Variants in KNL1 observed in about 807,000 individuals in gnomAD.
KNL1 encodes the protein outer kinetochore KNL1 complex subunit KNL1.
KNL1 carries 66 observed loss-of-function variants against 201.3 expected under a neutral mutation model. The ratio of observed to expected loss-of-function variants is 0.33; its 90% confidence interval spans 0.27 to 0.40. The LOEUF is 0.40. Ranked by LOEUF, KNL1 falls within the 10% of genes least tolerant of loss-of-function variation. KNL1 has a pLI of 1.00. For missense variants in KNL1, 2,815 were observed against 2,690.5 expected (o/e 1.05, Z -1.02); for synonymous variants, 895 against 899.2 (o/e 1.00, Z 0.08).
intron 1 of KNL1, among the ~76,000 whole-genome samples, chr15:40,594,642 A>G (rs1394413784): frequency 6.6e-6 from 1 of 152,022 alleles, no homozygotes; most frequent in Non-Finnish European, 1.5e-5. Context: ...CCCTCCGGCC[A>G]CCCGGCTCGG....
intron 7 of KNL1, among the ~76,000 whole-genome samples, chr15:40,613,523 C>T (rs1011022724): frequency 1.4e-4 from 22 of 152,228 alleles, no homozygotes; most frequent in African/African-American, 5.1e-4. Context: ...TCAACTCCAA[C>T]AGAACTTAAA....
intron 9 of KNL1, among the ~76,000 whole-genome samples, chr15:40,620,255 C>A (rs1447746846): frequency 6.6e-6 from 1 of 151,676 alleles, no homozygotes; most frequent in Non-Finnish European, 1.5e-5. Flanking sequence ...GCTCTGTTGC[C>A]CAGGCAGTGG....
intron 13 of KNL1, among the ~76,000 whole-genome samples, chr15:40,639,459 C>T (rs930570711): frequency 2.0e-5 from 3 of 151,176 alleles, no homozygotes; most frequent in African/African-American, 7.3e-5. Flanking sequence ...GTGGCACACA[C>T]CTGTAATCCC....
rs763371820 is a variant in KNL1, at chr15:40,651,544, A to G, written c.6286A>G (p.Arg2096Gly). 1 of 1,610,266 alleles carries G rather than the reference A, an allele frequency of 6.2e-7. No homozygotes were observed. Among genetic ancestry groups the G allele is most frequent in the South Asian group, 1.1e-5 (1 of 90,336 alleles). Residue 2096 changes from arginine (R) to glycine (G), a missense_variant, in exon 20 of 26, where the codon AGA (arginine) becomes GGA (glycine). Around this residue, in one of 3 missense-constraint regions of KNL1, gnomAD observed 334 missense variants for 362.6 expected, o/e 0.92. Coordinates refer to ENST00000399668, the MANE Select transcript of KNL1 (RefSeq NM_144508.5). Reference sequence around the variant, plus strand: ...AGACTTTATGCAAAAACAAAGAAATAGAACTGAAGAGCTACTGGATCAGTT... The same window carrying G: ...AGACTTTATGCAAAAACAAAGAAATGGAACTGAAGAGCTACTGGATCAGTT... The part of the protein sequence containing the change: ...QIDFMQKQRN[R>G]TEELLDQLSL...
rs1893577369 is a variant in KNL1 at position 40,651,943 on chromosome 15, G to C, written c.6315-62G>C. On this transcript the variant is annotated intron_variant, in intron 20 of 25. Transcript: ENST00000399668. Reference sequence around the variant, plus strand: ...TGTTGGTACTGTTTGGGTGGTATCAGAAGTTCTCTTTTATGTTAATTTTAA... The same window carrying C: ...TGTTGGTACTGTTTGGGTGGTATCACAAGTTCTCTTTTATGTTAATTTTAA... 7 of 1,131,990 alleles carry C rather than the reference G, an allele frequency of 6.2e-6. No individual in the cohort carries two copies. The Admixed American group carries it at 1.1e-4, about 18-fold the overall frequency. 70.1% of individuals were successfully genotyped at this position (1,131,990 alleles called of 1,614,324 possible). A position where few individuals can be genotyped will look rare whatever the true frequency, so the allele number is the denominator to read the frequency against.
At chr15:40,650,831 G>C (rs1420130781) in intron 19 of KNL1, among the ~76,000 whole-genome samples, 6 of 151,840 alleles carry the variant, frequency 4.0e-5, no homozygotes, top group Non-Finnish European at 7.4e-5. Context: ...TATCCTTTTT[G>C]TTTAATAAAT....
chr15:40,605,290 C>T (rs1249785298), intron 3 of KNL1, 141 bp downstream of exon 3: 22 of 560,572 alleles, frequency 3.9e-5, no homozygotes, highest in Non-Finnish European at 3.6e-5. Context: ...AAATATTTAA[C>T]GTGGTTATAC....
intron 24 of KNL1, among the ~76,000 whole-genome samples, chr15:40,658,458 G>A (rs1374899407): frequency 5.4e-5 from 8 of 147,440 alleles, no homozygotes; most frequent in Non-Finnish European, 1.2e-4. Context: ...GAACTTGGAG[G>A]ATGGAGGTTG....
rs770021245 is a variant in KNL1 at position 40,621,454 on chromosome 15, T to C, written c.1190T>C (p.Ile397Thr). ...CATATTATGGGGGCAGAAACTCACA[T>C]AGTCTCACAGACTTGTAATCAGGAT... ...RSHIMGAETH[I>T]VSQTCNQDAR... Residue 397 changes from isoleucine to threonine, a missense_variant, in exon 10 of 26, where the codon ATA becomes ACA. By Grantham distance (89) the Ile-to-Thr change is moderately conservative. Transcript: ENST00000399668. 6.8e-6 allele frequency: 11 copies of C among 1,613,846 alleles called. No individual in the cohort carries two copies. Among genetic ancestry groups the C allele is most frequent in the South Asian group, 1.1e-5 (1 of 91,076 alleles).
chr15:40,655,046 C>G, intron 22 of KNL1, 69 bp downstream of exon 22: 3 of 1,252,032 alleles, frequency 2.4e-6, no homozygotes, highest in East Asian at 2.4e-5. Context: ...GCCTTTAATC[C>G]CAGCACTTTG....
intron 10 of KNL1, chr15:40,626,106 A>T (rs1892744811): frequency 6.6e-6 from 1 of 152,324 alleles, no homozygotes; most frequent in Non-Finnish European, 1.5e-5. Flanking sequence ...GCTGACAAGG[A>T]TATGTAGAAG....
At chr15:40,642,080 A>C (rs563880623) in intron 14 of KNL1, among the ~76,000 whole-genome samples, 28 of 152,314 alleles carry the variant, frequency 1.8e-4, no homozygotes, top group African/African-American at 6.7e-4. Context: ...TAGAAGGAAA[A>C]GAATATTAAA....
At chr15:40,605,421 A>C (rs543687715) in intron 3 of KNL1, among the ~76,000 whole-genome samples, 4 of 152,310 alleles carry the variant, frequency 2.6e-5, no homozygotes, top group South Asian at 2.1e-4. Flanking sequence ...CTGTGGTACA[A>C]AGCTGTTGCA....
chr15:40,607,999 A>G (rs1002565576), intron 4 of KNL1, among the ~76,000 whole-genome samples: 111 of 152,232 alleles, frequency 7.3e-4, no homozygotes, highest in Non-Finnish European at 8.8e-5. Flanking sequence ...TTGTACACCC[A>G]TGTTCATAGC....
chr15:40,617,719 C>CA (rs1192747384), intron 8 of KNL1, among the ~76,000 whole-genome samples: 1 of 152,004 alleles, frequency 6.6e-6, no homozygotes, highest in African/African-American at 2.4e-5. Context: ...TTAAAGAGGC[C>CA]AAACTTTTTT....
rs1364397456 is a variant in KNL1 at position 40,624,915 on chromosome 15, G to A, written c.4651G>A (p.Val1551Ile). The A allele has an allele frequency of 6.2e-7, 1 of 1,613,198 alleles. No homozygotes were observed. The highest frequency in any genetic ancestry group is 8.5e-7 in the Non-Finnish European group (1 of 1,179,880). ...ACCAGATCCTGTAATTACATCTAAT[G>A]TTCCATGTTTTCATAGTATCAAACC... ...EAPDPVITSN[V>I]PCFHSIKPNL... The change falls in exon 10 of 26, where the codon GTT (valine) becomes ATT (isoleucine). Residue 1551 changes from valine to isoleucine, a missense_variant. Coordinates refer to ENST00000399668, the MANE Select transcript of KNL1 (RefSeq NM_144508.5).
intron 13 of KNL1, among the ~76,000 whole-genome samples, chr15:40,637,300 G>A (rs919577506): frequency 2.1e-5 from 3 of 144,466 alleles, no homozygotes; most frequent in African/African-American, 7.7e-5. Flanking sequence ...TGCTAATTGT[G>A]CATGCCCAAA....
intron 2 of KNL1, among the ~76,000 whole-genome samples, chr15:40,603,594 C>A (rs1237005766): frequency 2.0e-5 from 3 of 152,180 alleles, no homozygotes; most frequent in Non-Finnish European, 2.9e-5. Flanking sequence ...CCCCCGCCCC[C>A]CCATCTCTAC....
chr15:40,644,092 A>G (rs1175554817), intron 14 of KNL1, among the ~76,000 whole-genome samples: 2 of 152,176 alleles, frequency 1.3e-5, no homozygotes, highest in Admixed American at 1.3e-4. Context: ...CATACCAAGG[A>G]CCTGCACTGG....
Sources: allele counts gnomAD v4.1 joint callset (sites outside exome capture counted in the v4.1 genomes callset), GRCh38; gene constraint gnomAD v4.1.1; regional missense constraint gnomAD v4.1.1; transcripts MANE v1.5; gene names NCBI Gene and HGNC (gene_info 2026-07-23, HGNC 2026-07-21).